KCNQ3: variants seen among roughly 807,000 people sequenced by gnomAD.
The protein encoded by KCNQ3 is potassium voltage-gated channel subfamily Q member 3.
KCNQ3 carries 30 observed loss-of-function variants against 92.5 expected under a neutral mutation model. The ratio of observed to expected loss-of-function variants is 0.32; its 90% confidence interval spans 0.24 to 0.44. The LOEUF is 0.44. Among genes scored for constraint, KCNQ3 ranks in the 20% least tolerant of loss-of-function variants. The pLI is 1.00. For missense variants in KCNQ3, 913 were observed against 1,140.3 expected (o/e 0.80, Z 2.87); for synonymous variants, 450 against 468.8 (o/e 0.96, Z 0.52).
chr8:132,182,754 T>G (rs1826826644), intron 3 of KCNQ3, among the ~76,000 whole-genome samples: 1 of 151,940 alleles, frequency 6.6e-6, no homozygotes, highest in South Asian at 2.1e-4. Flanking sequence ...GTGCTGCACT[T>G]GCAAAAAACT....
intron 1 of KCNQ3, among the ~76,000 whole-genome samples, chr8:132,340,462 G>A (rs1238957477): frequency 6.6e-6 from 1 of 152,160 alleles, no homozygotes; most frequent in Non-Finnish European, 1.5e-5. Context: ...TCCTTCGCAG[G>A]GACATGGATG....
intron 9 of KCNQ3, among the ~76,000 whole-genome samples, chr8:132,154,208 T>TTTTTTG (rs1554624532): frequency 0.015 from 2,166 of 142,196 alleles, 69 homozygotes; most frequent in African/African-American, 0.055. Context: ...TTTTTTTTTT[T>TTTTTTG]TTTTTTTTTT....
At chr8:132,355,324 C>T (rs1407408247) in intron 1 of KCNQ3, among the ~76,000 whole-genome samples, 1 of 151,974 alleles carries the variant, frequency 6.6e-6, no homozygotes, top group Admixed American at 6.6e-5. Context: ...CTGTGCCTCC[C>T]CTCCACTCCA....
chr8:132,149,021 C>T (rs1043929339), intron 9 of KCNQ3, among the ~76,000 whole-genome samples: 55 of 152,354 alleles, frequency 3.6e-4, no homozygotes, highest in African/African-American at 1.3e-3. Flanking sequence ...TCTGACCATA[C>T]ACTTTATTTC....
intron 6 of KCNQ3, 87 bp from the exon 7 acceptor site, chr8:132,172,780 G>T: frequency 1.1e-6 from 1 of 930,160 alleles, no homozygotes; most frequent in Non-Finnish European, 1.8e-6. Context: ...GGGACTGTAG[G>T]GCTCAATTGC....
intron 1 of KCNQ3, among the ~76,000 whole-genome samples, chr8:132,466,034 G>A (rs1294407261): frequency 6.6e-6 from 1 of 152,136 alleles, no homozygotes; most frequent in Non-Finnish European, 1.5e-5. Context: ...CAAGGAGAAA[G>A]CTCCTTTCCC....
chr8:132,247,838 C>G (rs78882888), intron 1 of KCNQ3, among the ~76,000 whole-genome samples: 222 of 151,846 alleles, frequency 1.5e-3, no homozygotes, highest in Middle Eastern at 6.8e-3. Flanking sequence ...TCAGCCTGAT[C>G]GGAACAAAAA....
At chr8:132,148,514 C>T (rs964062334) in intron 9 of KCNQ3, among the ~76,000 whole-genome samples, 5 of 152,184 alleles carry the variant, frequency 3.3e-5, no homozygotes, top group African/African-American at 1.2e-4. Context: ...AACTCCTATC[C>T]TTTGTGTGAT....
rs760032589 is a variant in KCNQ3, at chr8:132,129,398, C to T, written c.2483G>A (p.Arg828Lys). ...FGPNGGSSWM[R>K]EKRYLAEGET... is the part of the protein sequence containing the mutation. ...ACCCTCGGCGAGGTACCGCTTCTCCCTCATCCAGCTCGACCCCCCATTGGG... is the reference window on the plus strand; with the variant it reads ...ACCCTCGGCGAGGTACCGCTTCTCCTTCATCCAGCTCGACCCCCCATTGGG... Residue 828 changes from arginine (R) to lysine (K), a missense_variant, in exon 15 of 15, where the codon AGG becomes AAG. Arg to Lys is a conservative substitution (Grantham distance 26). Transcript: ENST00000388996. This position sits in a 1 kb window ranked among gnomAD's most constrained non-coding sequence, Gnocchi z 5.9. 1 of 1,614,224 alleles carries T rather than the reference C, an allele frequency of 6.2e-7. No individual in the cohort carries two copies. Among genetic ancestry groups the T allele is most frequent in the South Asian group, 1.1e-5 (1 of 91,086 alleles).
At chr8:132,323,128 T>C (rs1289917658) in intron 1 of KCNQ3, among the ~76,000 whole-genome samples, 2 of 152,164 alleles carry the variant, frequency 1.3e-5, no homozygotes, top group Non-Finnish European at 2.9e-5. Flanking sequence ...TAGGAGACCC[T>C]ATGCCAAGCA....
chr8:132,134,308 G>A lies in KCNQ3; in HGVS notation c.1781C>T (p.Pro594Leu). 1 of 1,613,798 alleles carries A rather than the reference G, an allele frequency of 6.2e-7. No homozygotes were observed. The highest frequency in any genetic ancestry group is 8.5e-7 in the Non-Finnish European group (1 of 1,179,842). Residue 594 changes from proline (P) to leucine (L), a missense_variant, in exon 13 of 15, where the codon CCA becomes CTA. Transcript: ENST00000388996. ...KSQKGSAFTF[P>L]SQQSPRNEPY... Reference sequence around the variant, plus strand: ...GCCCCACCTGGGAGATTGCTGGGATGGGAAGGTGAATGCTGACCCTTTCTG... The same window carrying A: ...GCCCCACCTGGGAGATTGCTGGGATAGGAAGGTGAATGCTGACCCTTTCTG...
rs1200983806 is a variant in KCNQ3 at position 132,234,898 on chromosome 8, G to T, written c.387-48717C>A. On this transcript the variant is annotated intron_variant, in intron 1 of 14. Transcript: ENST00000388996. Reference sequence around the variant, plus strand: ...CCAATATTCCCTGGGCTGCTGCAGGGTCTTCATTGCCTTGCCTCATACAGT... The same window carrying T: ...CCAATATTCCCTGGGCTGCTGCAGGTTCTTCATTGCCTTGCCTCATACAGT... Among the ~76,000 whole-genome samples, 6 of 152,292 alleles carry T rather than the reference G, an allele frequency of 3.9e-5. 1 individual carries two copies. The highest frequency in any genetic ancestry group is 3.9e-4 in the Admixed American group (6 of 15,294).
intron 1 of KCNQ3, among the ~76,000 whole-genome samples, chr8:132,446,635 T>C (rs911804435): frequency 6.6e-6 from 1 of 152,204 alleles, no homozygotes; most frequent in African/African-American, 2.4e-5. Context: ...CAATGCTAAT[T>C]ACTGGCACTT....
intron 9 of KCNQ3, among the ~76,000 whole-genome samples, chr8:132,162,100 G>A (rs553238690): frequency 6.6e-6 from 1 of 152,288 alleles, no homozygotes; most frequent in South Asian, 2.1e-4. Context: ...TCTTGAAAGG[G>A]ACATGAGCAA....
chr8:132,263,611 G>A (rs1815863058), intron 1 of KCNQ3, among the ~76,000 whole-genome samples: 1 of 152,206 alleles, frequency 6.6e-6, no homozygotes, highest in African/African-American at 2.4e-5. Context: ...AGAAAAACTT[G>A]TGGACCAAAG....
At chr8:132,393,925 T>C (rs1820117346) in intron 1 of KCNQ3, among the ~76,000 whole-genome samples, 1 of 152,194 alleles carries the variant, frequency 6.6e-6, no homozygotes, top group African/African-American at 2.4e-5. Flanking sequence ...CACCACCCAC[T>C]GTGTACAGAT....
intron 1 of KCNQ3, among the ~76,000 whole-genome samples, chr8:132,406,821 C>CA (rs1820496363): frequency 6.6e-6 from 1 of 152,052 alleles, no homozygotes; most frequent in African/African-American, 2.4e-5. Context: ...GGTATTAGGC[C>CA]AAGGGTTCTC....
At chr8:132,264,258 C>T (rs1266705872) in intron 1 of KCNQ3, among the ~76,000 whole-genome samples, 1 of 152,202 alleles carries the variant, frequency 6.6e-6, no homozygotes, top group Non-Finnish European at 1.5e-5. Context: ...CCCACAGCTA[C>T]TTGGCCACAG....
rs547727635 is a variant in KCNQ3 at position 132,389,267 on chromosome 8, G to A, written c.386+90880C>T. Among the ~76,000 whole-genome samples, 3 of 152,188 alleles carry A rather than the reference G, an allele frequency of 2.0e-5. No homozygotes were observed. The South Asian group carries it at 6.2e-4, about 32-fold the overall frequency. ...AGGTCAGGAGTTTGAGGCCAGCCTAGCCAACATGGTGAAACCCCGTCTCTA... is the reference window on the plus strand; with the variant it reads ...AGGTCAGGAGTTTGAGGCCAGCCTAACCAACATGGTGAAACCCCGTCTCTA... On this transcript the variant is annotated intron_variant, in intron 1 of 14. Coordinates refer to ENST00000388996, the MANE Select transcript of KCNQ3 (RefSeq NM_004519.4).
Sources: gnomAD v4.1 joint callset for allele counts (sites outside exome capture counted in the v4.1 genomes callset) on GRCh38, gnomAD v4.1.1 for gene constraint, Gnocchi (gnomAD v3.1) non-coding constraint, MANE v1.5 for transcripts, NCBI Gene and HGNC (gene_info 2026-07-23, HGNC 2026-07-21) for gene names.